Variants in PCDHA5 observed in about 807,000 individuals in gnomAD.
PCDHA5 encodes the protein protocadherin alpha 5.
Under a neutral mutation model 61.6 loss-of-function variants are expected in PCDHA5, and 43 were observed. That is an observed-to-expected ratio of 0.70 (90% CI 0.55 to 0.90). The LOEUF is 0.90. PCDHA5 is among the 40% of genes least tolerant of loss of function. The probability of loss-of-function intolerance (pLI) is 0.00; values close to 1 mark genes in which losing one functional copy is unlikely to be tolerated. For synonymous variants in PCDHA5, 627 were observed against 543.9 expected (o/e 1.15, Z -2.13); for missense variants, 1,298 against 1,222.7 (o/e 1.06, Z -0.92).
At chr5:140,919,050 G>T (rs2153552038) in intron 1 of PCDHA5, among the ~76,000 whole-genome samples, 1 of 152,302 alleles carries the variant, frequency 6.6e-6, no homozygotes, top group Admixed American at 6.5e-5. Context: ...ATTATTGGAA[G>T]TGGAGTATTA....
At chr5:140,927,481 G>A in intron 1 of PCDHA5, 1 of 1,614,072 alleles carries the variant, frequency 6.2e-7, no homozygotes, top group Non-Finnish European at 8.5e-7. Flanking sequence ...CGAACAGCGC[G>A]CCACCCACCT....
At chr5:140,871,026 G>T in intron 1 of PCDHA5, 2 of 1,613,220 alleles carry the variant, frequency 1.2e-6, no homozygotes, top group Non-Finnish European at 1.7e-6. Context: ...AGGCAGACTC[G>T]CCGCGCCACC....
intron 1 of PCDHA5, chr5:140,850,767 G>A: frequency 1.3e-6 from 2 of 1,598,126 alleles, no homozygotes; most frequent in Admixed American, 1.7e-5. Flanking sequence ...GAGGCAGAGG[G>A]TGTGCTCTGG....
chr5:140,983,334 T>A (rs1314550664), intron 3 of PCDHA5, among the ~76,000 whole-genome samples: 1 of 152,234 alleles, frequency 6.6e-6, no homozygotes, highest in African/African-American at 2.4e-5. Context: ...GCCCTATCAC[T>A]AAAGCAGGGT....
In PCDHA5 at chr5:140,883,821, A is replaced by G. The variant is rs376667172; in HGVS notation, c.2352+59694A>G. 3 of 1,612,334 alleles carry G rather than the reference A, an allele frequency of 1.9e-6. No homozygotes were observed. Among genetic ancestry groups the G allele is most frequent in the Non-Finnish European group, 2.5e-6 (3 of 1,179,764 alleles). The stretch of plus-strand genomic sequence containing the variant: ...GTGCACGCGGAGAGCGGCAAGGTGT[A>G]CGCGCTGCAGCCGTTGGACCACGAG... On this transcript the variant is annotated intron_variant, in intron 1 of 3. Coordinates refer to ENST00000529859, the MANE Select transcript of PCDHA5 (RefSeq NM_018908.3).
chr5:140,939,729 G>A (rs1376988004), intron 1 of PCDHA5, among the ~76,000 whole-genome samples: 16 of 152,166 alleles, frequency 1.1e-4, no homozygotes, highest in Admixed American at 1.0e-3. Context: ...ATTGTTGTGT[G>A]TAGCTGTGTA....
chr5:140,849,816 G>C (rs2150451582), intron 1 of PCDHA5: 2 of 1,598,578 alleles, frequency 1.3e-6, no homozygotes, highest in Admixed American at 1.7e-5. Context: ...CACGGCCAGG[G>C]TGTCTGTGGA....
In PCDHA5 at chr5:140,856,803, A is replaced by C. The variant is rs782347816; in HGVS notation, c.2352+32676A>C. On this transcript the variant is annotated intron_variant, in intron 1 of 3. Coordinates refer to ENST00000529859, the MANE Select transcript of PCDHA5 (RefSeq NM_018908.3). ...CCGGTTTATGAAGTTAAGATGTATGAAAATCAAGTGAACCAAACATTAGTA... is the reference window on the plus strand; with the variant it reads ...CCGGTTTATGAAGTTAAGATGTATGCAAATCAAGTGAACCAAACATTAGTA... 9.4e-6 allele frequency: 15 copies of C among 1,595,568 alleles called. 2 individuals are homozygous for C. In the Admixed American group the frequency reaches 1.2e-4, roughly 13 times the overall value.
intron 1 of PCDHA5, chr5:140,836,020 G>A (rs1267674995): frequency 2.5e-6 from 4 of 1,613,464 alleles, no homozygotes; most frequent in Admixed American, 3.3e-5. Flanking sequence ...CCGCCTCTGG[G>A]CAGCAACGTG....
intron 1 of PCDHA5, chr5:140,926,964 C>G (rs149218057): frequency 1.9e-6 from 3 of 1,606,346 alleles, no homozygotes; most frequent in African/African-American, 2.7e-5. Flanking sequence ...AGCTCGAGTA[C>G]TCAGTGCCGG....
At chr5:140,830,280 G>C (rs2150184170) in intron 1 of PCDHA5, 5 of 1,613,766 alleles carry the variant, frequency 3.1e-6, no homozygotes, top group Admixed American at 1.7e-5. Flanking sequence ...CCCACCGAGG[G>C]CGCGTGCACG....
At chr5:140,863,413 T>C (rs1581689381) in intron 1 of PCDHA5, 1 of 735,446 alleles carries the variant, frequency 1.4e-6, no homozygotes, top group Non-Finnish European at 2.3e-6. Flanking sequence ...CACGCTGGTG[T>C]ACCGCAGCGT....
intron 1 of PCDHA5, chr5:140,876,989 G>A (rs781957201): frequency 6.2e-7 from 1 of 1,612,664 alleles, no homozygotes. Context: ...GCACTGTCGA[G>A]CTACGTGTCG....
intron 1 of PCDHA5, chr5:140,834,842 A>C: frequency 6.2e-7 from 1 of 1,611,330 alleles, no homozygotes; most frequent in Non-Finnish European, 8.5e-7. Flanking sequence ...CTCGGTTTCC[A>C]CTAGAGGGCG....
chr5:140,834,127 T>C (rs1554134048), intron 1 of PCDHA5: 1 of 448,364 alleles, frequency 2.2e-6, no homozygotes, highest in African/African-American at 2.0e-5. Flanking sequence ...ATAAAACTTT[T>C]CATCTGATTA....
At chr5:140,828,276 G>C (rs2150153517) in intron 1 of PCDHA5, 1 of 1,614,090 alleles carries the variant, frequency 6.2e-7, no homozygotes, top group South Asian at 1.1e-5. Context: ...CTGGTGCCGC[G>C]CCTGTTCAGG....
intron 1 of PCDHA5, among the ~76,000 whole-genome samples, chr5:140,912,893 T>C (rs1346036777): frequency 6.6e-6 from 1 of 152,262 alleles, no homozygotes; most frequent in East Asian, 1.9e-4. Context: ...TCTGTTGATA[T>C]GATGTATCAT....
At chr5:140,982,660 T>C (rs2096994626) in intron 3 of PCDHA5, 97 bp downstream of exon 3, 2 of 1,482,562 alleles carry the variant, frequency 1.3e-6, no homozygotes, top group South Asian at 2.7e-5. Context: ...CTCTTTTTCT[T>C]TTATATTTTT....
At chr5:140,966,758 C>T in intron 1 of PCDHA5, 1 of 1,445,334 alleles carries the variant, frequency 6.9e-7, no homozygotes, top group South Asian at 1.5e-5. Flanking sequence ...TCCGCCGCGG[C>T]CAGTGGCTAT....
Sources: allele counts gnomAD v4.1 joint callset (sites outside exome capture counted in the v4.1 genomes callset), GRCh38; gene constraint gnomAD v4.1.1; transcripts MANE v1.5; gene names NCBI Gene and HGNC (gene_info 2026-07-23, HGNC 2026-07-21).